Variants in MAP2K5 observed in about 807,000 individuals in gnomAD.
The protein encoded by MAP2K5 is dual specificity mitogen-activated protein kinase kinase 5.
Under a neutral mutation model 83.1 loss-of-function variants are expected in MAP2K5, and 49 were observed. That is an observed-to-expected ratio of 0.59 (90% CI 0.47 to 0.75). The LOEUF is 0.75. Among genes scored for constraint, MAP2K5 ranks in the 30% least tolerant of loss-of-function variants. MAP2K5 has a pLI of 0.00. For missense variants in MAP2K5, 457 were observed against 557.5 expected (o/e 0.82, Z 1.82); for synonymous variants, 202 against 191.8 (o/e 1.05, Z -0.44).
chr15:67,582,293 C>T (rs1294210096), intron 4 of MAP2K5, among the ~76,000 whole-genome samples: 1 of 151,964 alleles, frequency 6.6e-6, no homozygotes, highest in African/African-American at 2.4e-5. Flanking sequence ...ATCTCCTGAC[C>T]TCATGATCCA....
At chr15:67,641,403 G>A in intron 9 of MAP2K5, 2 of 647,806 alleles carry the variant, frequency 3.1e-6, no homozygotes, top group Non-Finnish European at 3.9e-6. Flanking sequence ...AAACAGAATA[G>A]CAGCTTAATT....
At position 67,782,214 on chromosome 15, in the gene MAP2K5, TAA is replaced by T. The variant is rs1555405909; in HGVS notation, c.1242+9463_1242+9464del. On this transcript the variant is annotated intron_variant, in intron 21 of 21. Coordinates refer to ENST00000178640, the MANE Select transcript of MAP2K5 (RefSeq NM_145160.3). The surrounding 1 kb of genome is among the most constrained non-coding windows in gnomAD (Gnocchi z 4.9). ...CCCGCCTCTGCGGTTTCAATAATTTTAAGAGCCCCCAAAACCTGTTGAGGATT... is the reference window on the plus strand; with the variant it reads ...CCCGCCTCTGCGGTTTCAATAATTTTGAGCCCCCAAAACCTGTTGAGGATT... 6.6e-6 allele frequency among the ~76,000 whole-genome samples: 1 copy of T among 152,222 alleles called. No individual in the cohort carries two copies.
intron 13 of MAP2K5, among the ~76,000 whole-genome samples, chr15:67,680,847 T>G (rs989533546): frequency 2.0e-5 from 3 of 152,192 alleles, no homozygotes; most frequent in African/African-American, 7.2e-5. Context: ...TGGATAATGT[T>G]AACTCGTCTG....
chr15:67,589,126 G>A (rs1483759083), intron 6 of MAP2K5, among the ~76,000 whole-genome samples: 1 of 152,084 alleles, frequency 6.6e-6, no homozygotes, highest in Non-Finnish European at 1.5e-5. Flanking sequence ...TTACAGTCAT[G>A]AACCACCACA....
intron 17 of MAP2K5, among the ~76,000 whole-genome samples, chr15:67,728,782 A>G (rs1164000387): frequency 6.6e-6 from 1 of 152,232 alleles, no homozygotes; most frequent in East Asian, 1.9e-4. Flanking sequence ...GTGTTGTATT[A>G]CACATACTAA....
intron 21 of MAP2K5, among the ~76,000 whole-genome samples, chr15:67,806,424 C>G (rs1043683810): frequency 2.0e-5 from 3 of 152,196 alleles, no homozygotes; most frequent in African/African-American, 7.2e-5. Context: ...CTGAGATGTG[C>G]CAGCCAGCAC....
intron 8 of MAP2K5, among the ~76,000 whole-genome samples, chr15:67,622,144 C>CAA (rs11289969): frequency 1.4e-4 from 13 of 90,602 alleles, no homozygotes; most frequent in Admixed American, 2.3e-4. Flanking sequence ...GGCTCCATCT[C>CAA]AAAAAAAAAA....
intron 15 of MAP2K5, among the ~76,000 whole-genome samples, chr15:67,695,693 C>T (rs1343642272): frequency 6.6e-6 from 1 of 152,160 alleles, no homozygotes; most frequent in Non-Finnish European, 1.5e-5. Flanking sequence ...AATTAAATTG[C>T]ATTATATTTG....
chr15:67,680,326 G>C (rs1214494062), intron 13 of MAP2K5, among the ~76,000 whole-genome samples: 1 of 152,110 alleles, frequency 6.6e-6, no homozygotes, highest in African/African-American at 2.4e-5. Context: ...TTTCTCTTGA[G>C]TAAATACCTA....
chr15:67,784,919 A>G (rs1305705763), intron 21 of MAP2K5, among the ~76,000 whole-genome samples: 1 of 152,136 alleles, frequency 6.6e-6, no homozygotes, highest in African/African-American at 2.4e-5. Context: ...TGGGCTGTGC[A>G]CCAGTGGTAG....
At chr15:67,626,953 G>T (rs1187642936) in intron 8 of MAP2K5, among the ~76,000 whole-genome samples, 2 of 151,972 alleles carry the variant, frequency 1.3e-5, no homozygotes, top group Admixed American at 1.3e-4. Flanking sequence ...ATATCTTTGA[G>T]ACAGAGTCTC....
intron 21 of MAP2K5, among the ~76,000 whole-genome samples, chr15:67,776,094 GC>G (rs1488062533): frequency 6.6e-6 from 1 of 152,116 alleles, no homozygotes; most frequent in Admixed American, 6.5e-5. Context: ...TTCTTTAAGA[GC>G]CTATTGCAGA....
At chr15:67,605,119 C>G (rs972861299) in intron 8 of MAP2K5, among the ~76,000 whole-genome samples, 7 of 148,192 alleles carry the variant, frequency 4.7e-5, no homozygotes, top group African/African-American at 1.7e-4. Context: ...GTGGAAAGAT[C>G]TCGTCTCACT....
At chr15:67,684,823 G>A (rs7172603) in intron 13 of MAP2K5, among the ~76,000 whole-genome samples, 2,596 of 152,142 alleles carry the variant, frequency 0.017, 66 homozygotes, top group African/African-American at 0.06. Context: ...TTTCATTGAT[G>A]GAATTAACTG....
chr15:67,548,708 G>C (rs914923336), intron 1 of MAP2K5, among the ~76,000 whole-genome samples: 1 of 152,122 alleles, frequency 6.6e-6, no homozygotes, highest in East Asian at 1.9e-4. Flanking sequence ...TCCCTTTACA[G>C]TTTCCTGTCA....
rs756483769 is a variant in MAP2K5 at position 67,769,619 on chromosome 15, A to T, written c.1152A>T (p.Pro384=). The T allele has an allele frequency of 6.2e-7, 1 of 1,613,750 alleles. No individual in the cohort carries two copies. The highest frequency in any genetic ancestry group is 2.2e-5 in the East Asian group (1 of 44,870). The change falls in exon 20 of 22, where the codon CCA becomes CCT. Residue 384 remains proline (P), a synonymous_variant. Transcript: ENST00000178640. The surrounding 1 kb of genome is among the most constrained non-coding windows in gnomAD (Gnocchi z 5.2). ...CATCACAGGATTCGCCCGTCCTTCC[A>T]GTTGGAGAGTTCTCGGAGCCATTTG... ...CIVDEDSPVL[P]VGEFSEPFVH...
chr15:67,569,923 A>C (rs1366294863), intron 3 of MAP2K5, among the ~76,000 whole-genome samples: 1 of 152,194 alleles, frequency 6.6e-6, no homozygotes, highest in African/African-American at 2.4e-5. Flanking sequence ...GTTTTATTTA[A>C]GTGGCAGGTT....
chr15:67,694,626 T>G (rs1319937719), intron 15 of MAP2K5, among the ~76,000 whole-genome samples: 1 of 152,084 alleles, frequency 6.6e-6, no homozygotes, highest in African/African-American at 2.4e-5. Flanking sequence ...CTGGAGAGGA[T>G]GTAGAGAAAT....
At position 67,559,395 on chromosome 15, in the gene MAP2K5, G is replaced by A. The variant is rs748238643; in HGVS notation, c.185-3888G>A. The stretch of plus-strand genomic sequence containing the variant: ...GTTTACTCAGTAGGCCATTGTGACC[G>A]CCCCTTACCTGAGGCTGCTTCTCCT... On this transcript the variant is annotated intron_variant, in intron 2 of 21. Coordinates refer to ENST00000178640, the MANE Select transcript of MAP2K5 (RefSeq NM_145160.3). This position sits in a 1 kb window ranked among gnomAD's most constrained non-coding sequence, Gnocchi z 4.7. 1.3e-5 allele frequency among the ~76,000 whole-genome samples: 2 copies of A among 152,100 alleles called. No individual in the cohort carries two copies. The highest frequency in any genetic ancestry group is 6.5e-5 in the Admixed American group (1 of 15,278).
Sources: gnomAD v4.1 joint callset for allele counts (sites outside exome capture counted in the v4.1 genomes callset) on GRCh38, gnomAD v4.1.1 for gene constraint, Gnocchi (gnomAD v3.1) non-coding constraint, MANE v1.5 for transcripts, NCBI Gene and HGNC (gene_info 2026-07-23, HGNC 2026-07-21) for gene names.